The following RAD17 variants were observed in gnomAD, a reference collection of about 807,000 sequenced individuals.
RAD17 encodes the protein RAD17 checkpoint clamp loader component.
Under a neutral mutation model 81.5 loss-of-function variants are expected in RAD17, and 31 were observed. The ratio of observed to expected loss-of-function variants is 0.38; its 90% CI spans 0.29 to 0.51. The LOEUF (loss-of-function observed/expected upper bound fraction) is 0.51. Among genes scored for constraint, RAD17 ranks in the 20% least tolerant of loss-of-function variants. RAD17 has a pLI of 0.88. For missense variants in RAD17, 681 were observed against 781.2 expected (o/e 0.87, Z 1.53); for synonymous variants, 261 against 266.2 (o/e 0.98, Z 0.19).
chr5:69,400,176 A>C lies in RAD17; in HGVS notation c.1693+7A>C. The C allele has an allele frequency of 6.7e-7, 1 of 1,493,070 alleles. No homozygotes were observed. Among genetic ancestry groups the C allele is most frequent in the Non-Finnish European group, 8.9e-7 (1 of 1,124,192 alleles). 92.5% of individuals were successfully genotyped at this position (1,493,070 alleles called of 1,614,324 possible). On this transcript the variant is annotated splice_region_variant and intron_variant, in intron 17 of 18. Coordinates refer to ENST00000354868, the MANE Select transcript of RAD17 (RefSeq NM_133338.3). ...ATTCCAATGAGAAATCAAGGTAATA[A>C]CATAGGTTTTTCTTTTCTTTTAAGA... is the stretch of plus-strand genomic sequence containing the variant.
At chr5:69,409,644 CTA>C (rs1765843495) in intron 17 of RAD17, among the ~76,000 whole-genome samples, 1 of 152,176 alleles carries the variant, frequency 6.6e-6, no homozygotes, top group Non-Finnish European at 1.5e-5. Flanking sequence ...TGAAAGTTTA[CTA>C]TGTCATTCTT....
intron 6 of RAD17, among the ~76,000 whole-genome samples, chr5:69,378,811 C>T (rs1763669985): frequency 6.6e-6 from 1 of 152,190 alleles, no homozygotes; most frequent in Non-Finnish European, 1.5e-5. Context: ...AAACCTCCAC[C>T]TAGGCTATAT....
At chr5:69,380,579 A>G (rs1015365444) in intron 6 of RAD17, among the ~76,000 whole-genome samples, 8 of 152,124 alleles carry the variant, frequency 5.3e-5, no homozygotes, top group Non-Finnish European at 7.4e-5. Context: ...GTCCAAGTAC[A>G]TAGGTTCTTA....
At chr5:69,384,398 C>T (rs1764045488) in intron 7 of RAD17, among the ~76,000 whole-genome samples, 1 of 152,116 alleles carries the variant, frequency 6.6e-6, no homozygotes, top group Non-Finnish European at 1.5e-5. Context: ...CCTCCACCTC[C>T]TGGGCTCAAG....
intron 16 of RAD17, among the ~76,000 whole-genome samples, chr5:69,397,736 C>T (rs989169506): frequency 1.3e-5 from 2 of 152,164 alleles, no homozygotes; most frequent in East Asian, 1.9e-4. Flanking sequence ...GTTTTTGAGA[C>T]GGAGCCTCGC....
intron 18 of RAD17, among the ~76,000 whole-genome samples, chr5:69,411,643 C>G (rs571777970): frequency 8.5e-4 from 130 of 152,208 alleles, no homozygotes; most frequent in African/African-American, 3.0e-3. Flanking sequence ...TCTTTCCTAT[C>G]GCAGAAAGAC....
intron 17 of RAD17, among the ~76,000 whole-genome samples, chr5:69,409,541 A>G (rs893727768): frequency 2.0e-5 from 3 of 152,080 alleles, no homozygotes; most frequent in African/African-American, 7.2e-5. Flanking sequence ...TATTAGGACA[A>G]TTTCCAGAGA....
At chr5:69,405,784 G>A (rs901312985) in intron 17 of RAD17, among the ~76,000 whole-genome samples, 6 of 152,122 alleles carry the variant, frequency 3.9e-5, no homozygotes, top group African/African-American at 1.4e-4. Flanking sequence ...GCTCATGCCT[G>A]TAATCCCAGC....
chr5:69,378,562 GT>G (rs1763651831), intron 6 of RAD17, among the ~76,000 whole-genome samples: 1 of 152,188 alleles, frequency 6.6e-6, no homozygotes, highest in Non-Finnish European at 1.5e-5. Context: ...GTTCTGTAAA[GT>G]TGCTGAATTA....
chr5:69,369,859 G>T lies in RAD17; in HGVS notation c.-491G>T, dbSNP rs1013289658. 2.8e-6 allele frequency: 2 copies of T among 715,826 alleles called. No individual in the cohort carries two copies. The highest frequency in any genetic ancestry group is 2.3e-6 in the Non-Finnish European group (1 of 430,584). 44.3% of individuals were successfully genotyped at this position (715,826 alleles called of 1,614,324 possible). On this transcript the variant is annotated 5_prime_UTR_variant, in exon 1 of 19. Transcript: ENST00000354868. ...CGGCGTTGAGCCCGGGTAGGGCCAG[G>T]TGGCTGCCCTTTCACCTAGGGTAGT...
chr5:69,391,190 A>G (rs1206765461), intron 12 of RAD17, among the ~76,000 whole-genome samples: 2 of 149,314 alleles, frequency 1.3e-5, no homozygotes, highest in Admixed American at 1.4e-4. Context: ...AGATCACACC[A>G]CTGCACTCCA....
In RAD17 at chr5:69,389,457, C is replaced by G. The variant is rs563425297; in HGVS notation, c.1006+312C>G. ...ATAGGCCTATGCAGGTGACTCTTAT[C>G]TTTCTGTGCCTCTGTTTTCTCACCT... On this transcript the variant is annotated intron_variant, in intron 12 of 18. Transcript: ENST00000354868. 1.6e-3 allele frequency among the ~76,000 whole-genome samples: 246 copies of G among 152,126 alleles called. 1 individual carries two copies. Among genetic ancestry groups the G allele is most frequent in the African/African-American group, 5.5e-3 (227 of 41,558 alleles).
At chr5:69,396,889 A>G (rs1368074674) in intron 16 of RAD17, among the ~76,000 whole-genome samples, 2 of 152,116 alleles carry the variant, frequency 1.3e-5, no homozygotes, top group African/African-American at 4.8e-5. Flanking sequence ...CTGGAATGCA[A>G]TGGCATGATC....
At chr5:69,374,983 G>C (rs1456630991) in intron 6 of RAD17, among the ~76,000 whole-genome samples, 1 of 152,142 alleles carries the variant, frequency 6.6e-6, no homozygotes, top group Non-Finnish European at 1.5e-5. Flanking sequence ...GGGCATTGTG[G>C]TGCATGCCTC....
intron 17 of RAD17, among the ~76,000 whole-genome samples, chr5:69,402,011 A>C (rs1765303309): frequency 6.7e-6 from 1 of 149,746 alleles, no homozygotes; most frequent in African/African-American, 2.4e-5. Flanking sequence ...CTCAAAAAAA[A>C]AAAAAAAAAA....
chr5:69,374,118 A>G, intron 5 of RAD17, 31 bp downstream of exon 5: 1 of 1,567,584 alleles, frequency 6.4e-7, no homozygotes, highest in Non-Finnish European at 8.7e-7. Context: ...ATATCTACAT[A>G]ATTTAATTTC....
At chr5:69,392,848 T>C (rs1031247342) in intron 13 of RAD17, 1 of 464,712 alleles carries the variant, frequency 2.2e-6, no homozygotes, top group Non-Finnish European at 4.1e-6. Context: ...ACCACTGTAT[T>C]GAGATGAGAA....
intron 6 of RAD17, among the ~76,000 whole-genome samples, chr5:69,375,992 C>A (rs1177061770): frequency 6.6e-6 from 1 of 152,140 alleles, no homozygotes; most frequent in Non-Finnish European, 1.5e-5. Context: ...GTCTATCCTG[C>A]ATTTCCTATA....
At chr5:69,400,284 C>T (rs1255405508) in intron 17 of RAD17, 115 bp downstream of exon 17, 1 of 645,306 alleles carries the variant, frequency 1.5e-6, no homozygotes, top group Non-Finnish European at 2.1e-6. Flanking sequence ...GTGGCACGAT[C>T]TCGGCTCACT....
Sources: allele counts gnomAD v4.1 joint callset (sites outside exome capture counted in the v4.1 genomes callset), GRCh38; gene constraint gnomAD v4.1.1; transcripts MANE v1.5; gene names NCBI Gene and HGNC (gene_info 2026-07-23, HGNC 2026-07-21).